USP12: variants seen among roughly 807,000 people sequenced by gnomAD.
The protein encoded by USP12 is ubiquitin carboxyl-terminal hydrolase 12.
In USP12, 19 loss-of-function variants were observed where a neutral mutation model predicts 45.5. The ratio of observed to expected loss-of-function variants is 0.42; its 90% CI spans 0.29 to 0.61. The LOEUF is 0.61. USP12 is among the 20% of genes least tolerant of loss of function. The probability of loss-of-function intolerance (pLI) is 0.22; values close to 1 mark genes in which losing one functional copy is unlikely to be tolerated. For missense variants in USP12, 242 were observed against 447.7 expected (o/e 0.54, Z 4.15); for synonymous variants, 149 against 148.8 (o/e 1.00, Z -0.01).
chr13:27,110,274 T>G (rs377157194), intron 2 of USP12, among the ~76,000 whole-genome samples: 15 of 152,274 alleles, frequency 9.9e-5, no homozygotes, highest in African/African-American at 3.6e-4. Flanking sequence ...TGAGGTAAAT[T>G]GTATAATCAT....
At chr13:27,143,869 A>G (rs995273748) in intron 1 of USP12, among the ~76,000 whole-genome samples, 4 of 152,228 alleles carry the variant, frequency 2.6e-5, no homozygotes, top group African/African-American at 9.6e-5. Flanking sequence ...ACAAATCCAG[A>G]TAGTGTCATT....
intron 1 of USP12, among the ~76,000 whole-genome samples, chr13:27,125,594 T>C (rs368936454): frequency 1.3e-5 from 2 of 152,100 alleles, no homozygotes; most frequent in African/African-American, 4.8e-5. Context: ...GTTCATCTCA[T>C]TGGGACTGGC....
chr13:27,157,606 G>A (rs1877899871), intron 1 of USP12, among the ~76,000 whole-genome samples: 1 of 152,024 alleles, frequency 6.6e-6, no homozygotes, highest in Admixed American at 6.6e-5. Context: ...CAAGTTTGAG[G>A]ACAAAATTAC....
chr13:27,097,127 C>T (rs1193361177), intron 3 of USP12, among the ~76,000 whole-genome samples: 3 of 150,386 alleles, frequency 2.0e-5, no homozygotes, highest in East Asian at 3.9e-4. Flanking sequence ...AATCAAAAGG[C>T]TAAAAAACAT....
intron 1 of USP12, among the ~76,000 whole-genome samples, chr13:27,131,088 T>A (rs1317456195): frequency 2.6e-5 from 4 of 152,244 alleles, no homozygotes; most frequent in African/African-American, 9.6e-5. Context: ...ATTCATTTTT[T>A]AAAATAAGCA....
chr13:27,167,710 C>G (rs1230079543), intron 1 of USP12, among the ~76,000 whole-genome samples: 1 of 151,728 alleles, frequency 6.6e-6, no homozygotes, highest in African/African-American at 2.4e-5. Context: ...AATAAAAGAA[C>G]TACATCCACC....
At chr13:27,131,006 G>A (rs1876474054) in intron 1 of USP12, among the ~76,000 whole-genome samples, 2 of 152,220 alleles carry the variant, frequency 1.3e-5, no homozygotes, top group Non-Finnish European at 2.9e-5. Context: ...GAATAGTGTT[G>A]TGCAGCTATA....
At chr13:27,098,472 G>T (rs117102691) in intron 3 of USP12, among the ~76,000 whole-genome samples, 6,783 of 152,074 alleles carry the variant, frequency 0.045, 171 homozygotes, top group Admixed American at 0.075. Flanking sequence ...CATGACAAGG[G>T]ACTGGGAAAT....
chr13:27,113,706 G>A (rs551198617), intron 2 of USP12, among the ~76,000 whole-genome samples: 1 of 152,264 alleles, frequency 6.6e-6, no homozygotes, highest in Non-Finnish European at 1.5e-5. Flanking sequence ...AACAGGGCTG[G>A]ACGCTTGGTA....
At chr13:27,138,427 G>C (rs953986993) in intron 1 of USP12, among the ~76,000 whole-genome samples, 10 of 152,234 alleles carry the variant, frequency 6.6e-5, no homozygotes, top group Non-Finnish European at 1.5e-4. Flanking sequence ...GGGCAGCTGA[G>C]AGATGGTGTA....
At chr13:27,087,251 ATGTGTG>A (rs55816785) in intron 6 of USP12, among the ~76,000 whole-genome samples, 7,172 of 143,900 alleles carry the variant, frequency 0.05, 228 homozygotes, top group Non-Finnish European at 0.056. Flanking sequence ...GTGGGGAGGG[ATGTGTG>A]TGTGTGTGTG....
intron 1 of USP12, chr13:27,117,764 C>T (rs1340643148): frequency 1.9e-6 from 1 of 517,952 alleles, no homozygotes; most frequent in Non-Finnish European, 3.8e-6. Flanking sequence ...AAACAAGGAC[C>T]TCGCACAGAC....
chr13:27,085,344 C>T (rs1439290132), intron 6 of USP12, among the ~76,000 whole-genome samples: 1 of 151,972 alleles, frequency 6.6e-6, no homozygotes, highest in South Asian at 2.1e-4. Context: ...CCACGCCTGG[C>T]TAATTTTTGT....
At chr13:27,091,785 A>G (rs532410351) in intron 4 of USP12, among the ~76,000 whole-genome samples, 1 of 152,344 alleles carries the variant, frequency 6.6e-6, no homozygotes, top group South Asian at 2.1e-4. Flanking sequence ...AATGAGACTG[A>G]AAAGGAACCC....
chr13:27,106,038 C>A, intron 2 of USP12, 94 bp from the exon 3 acceptor site: 1 of 1,019,206 alleles, frequency 9.8e-7, no homozygotes, highest in Non-Finnish European at 1.4e-6. Flanking sequence ...AAAGAGATGA[C>A]AATCGGTTAC....
At chr13:27,075,630 T>C (rs1003207371) in intron 6 of USP12, among the ~76,000 whole-genome samples, 8 of 152,104 alleles carry the variant, frequency 5.3e-5, no homozygotes, top group African/African-American at 1.9e-4. Context: ...CAGCACTCAA[T>C]ATGGCTCCAA....
chr13:27,108,144 CAAT>C (rs1875234624), intron 2 of USP12, among the ~76,000 whole-genome samples: 1 of 151,658 alleles, frequency 6.6e-6, no homozygotes, highest in Non-Finnish European at 1.5e-5. Flanking sequence ...AAATGTCCAA[CAAT>C]GATAGACTGG....
At chr13:27,142,631 G>C (rs903895914) in intron 1 of USP12, among the ~76,000 whole-genome samples, 2 of 152,118 alleles carry the variant, frequency 1.3e-5, no homozygotes, top group Admixed American at 6.5e-5. Flanking sequence ...CATTATTCTT[G>C]CAATTTTTCT....
chr13:27,160,975 G>A (rs1469514674), intron 1 of USP12, among the ~76,000 whole-genome samples: 1 of 152,006 alleles, frequency 6.6e-6, no homozygotes, highest in Non-Finnish European at 1.5e-5. Context: ...GCCCCAGTGT[G>A]TAGCGTTCCC....
Sources: allele counts gnomAD v4.1 joint callset (sites outside exome capture counted in the v4.1 genomes callset), GRCh38; gene constraint gnomAD v4.1.1; transcripts MANE v1.5; gene names NCBI Gene and HGNC (gene_info 2026-07-23, HGNC 2026-07-21).